The following IL1RAPL1 variants were observed in gnomAD, a reference collection of about 807,000 sequenced individuals.
IL1RAPL1 encodes the protein interleukin-1 receptor accessory protein-like 1.
A neutral mutation model predicts 48.4 loss-of-function variants in IL1RAPL1; 3 were observed. The ratio of observed to expected loss-of-function variants is 0.06; its 90% CI spans 0.03 to 0.16. The LOEUF is 0.16. Ranked by LOEUF, IL1RAPL1 falls within the 10% of genes least tolerant of loss-of-function variation. The probability of loss-of-function intolerance (pLI) is 1.00; values close to 1 mark genes in which losing one functional copy is unlikely to be tolerated. For synonymous variants in IL1RAPL1, 185 were observed against 187.7 expected (o/e 0.99, Z 0.12); for missense variants, 349 against 530.6 (o/e 0.66, Z 3.36).
chrX:29,484,023 A>G (rs950864804), intron 5 of IL1RAPL1, among the ~76,000 whole-genome samples: 1 of 97,954 alleles, frequency 1.0e-5, no homozygotes, highest in African/African-American at 3.6e-5. Context: ...AAAAAAAAAA[A>G]AACTCATTGA....
At chrX:29,501,298 G>A (rs930861127) in intron 5 of IL1RAPL1, among the ~76,000 whole-genome samples, 1 of 110,993 alleles carries the variant, frequency 9.0e-6, no homozygotes, top group East Asian at 2.8e-4. Context: ...CTTTTTAGGC[G>A]GAGGTAATCC....
chrX:29,260,279 G>T (rs1300197760), intron 2 of IL1RAPL1, among the ~76,000 whole-genome samples: 2 of 112,397 alleles, frequency 1.8e-5, no homozygotes, highest in Non-Finnish European at 3.7e-5. Context: ...TTTAGTTGCT[G>T]TATTAGTCTG....
At chrX:28,726,108 T>C (rs893377843) in intron 1 of IL1RAPL1, among the ~76,000 whole-genome samples, 1 of 112,138 alleles carries the variant, frequency 8.9e-6, no homozygotes, top group Admixed American at 9.5e-5. Flanking sequence ...AGGTTTCAGA[T>C]AGGTATCTGG....
intron 1 of IL1RAPL1, among the ~76,000 whole-genome samples, chrX:28,718,245 A>G (rs1011849195): frequency 3.8e-4 from 43 of 111,749 alleles, no homozygotes; most frequent in African/African-American, 1.4e-3. Flanking sequence ...GCATTTAGAA[A>G]AAAACTCTCT....
chrX:29,783,502 T>C (rs781094898), intron 6 of IL1RAPL1, among the ~76,000 whole-genome samples: 4 of 111,477 alleles, frequency 3.6e-5, no homozygotes, highest in African/African-American at 9.8e-5. Flanking sequence ...ACTTTCCGGA[T>C]TGGATGTGGG....
chrX:29,323,837 C>T (rs1439867151), intron 3 of IL1RAPL1, among the ~76,000 whole-genome samples: 8 of 84,862 alleles, frequency 9.4e-5, no homozygotes, highest in South Asian at 1.4e-3. Flanking sequence ...TAGAAACAAA[C>T]GGGTCACTCT....
intron 6 of IL1RAPL1, among the ~76,000 whole-genome samples, chrX:29,710,249 G>A (rs1927302010): frequency 9.0e-6 from 1 of 110,927 alleles, no homozygotes; most frequent in South Asian, 3.8e-4. Flanking sequence ...TGATCTTTGA[G>A]AATAAGCTTT....
intron 5 of IL1RAPL1, among the ~76,000 whole-genome samples, chrX:29,558,135 C>G (rs1922066954): frequency 9.0e-6 from 1 of 111,357 alleles, no homozygotes; most frequent in Non-Finnish European, 1.9e-5. Context: ...AATAGTTGTA[C>G]AAATTTTCAT....
At chrX:29,822,499 T>C (rs1195763169) in intron 6 of IL1RAPL1, among the ~76,000 whole-genome samples, 2 of 111,080 alleles carry the variant, frequency 1.8e-5, no homozygotes, top group Non-Finnish European at 3.8e-5. Context: ...AGGCAGCATT[T>C]AGATATGCTG....
chrX:29,851,222 A>G (rs759803642), intron 6 of IL1RAPL1, among the ~76,000 whole-genome samples: 375 of 111,809 alleles, frequency 3.4e-3, no homozygotes, highest in Non-Finnish European at 6.3e-3. Flanking sequence ...AAAACCACCA[A>G]GGCTCCTGTC....
rs1483718908 is a variant in IL1RAPL1 at position 29,414,347 on chromosome X, TTTATC to T, written c.703+15044_703+15048del. Among the ~76,000 whole-genome samples the T allele has an allele frequency of 5.4e-5, 6 of 112,125 alleles. No individual in the cohort carries two copies. The South Asian group carries it at 1.5e-3, about 27-fold the overall frequency. Reference sequence around the variant, plus strand: ...CTTAAAATTAGTTAAAATGGTAACTTTTATCTTATATATCTTACCACACAAAAAAA... The same window carrying T: ...CTTAAAATTAGTTAAAATGGTAACTTTTATATATCTTACCACACAAAAAAA... On this transcript the variant is annotated intron_variant, in intron 5 of 10. Coordinates refer to ENST00000378993, the MANE Select transcript of IL1RAPL1 (RefSeq NM_014271.4).
intron 5 of IL1RAPL1, among the ~76,000 whole-genome samples, chrX:29,550,370 A>AT (rs1569336554): frequency 9.1e-6 from 1 of 110,038 alleles, no homozygotes; most frequent in African/African-American, 3.3e-5. Context: ...TCTTTTTTGT[A>AT]TTTTTAGTAG....
chrX:29,644,635 C>T (rs1262391087), intron 5 of IL1RAPL1, among the ~76,000 whole-genome samples: 2 of 110,477 alleles, frequency 1.8e-5, no homozygotes, highest in East Asian at 2.8e-4. Flanking sequence ...GGCATGATCT[C>T]GGTTCACTGC....
At chrX:29,888,523 C>G (rs1932213871) in intron 6 of IL1RAPL1, among the ~76,000 whole-genome samples, 1 of 111,059 alleles carries the variant, frequency 9.0e-6, no homozygotes, top group African/African-American at 3.3e-5. Flanking sequence ...CATGTCTGGC[C>G]ACAACTGAAG....
chrX:28,766,784 C>T (rs998563790), intron 1 of IL1RAPL1, among the ~76,000 whole-genome samples: 2 of 111,746 alleles, frequency 1.8e-5, no homozygotes, highest in African/African-American at 3.2e-5. Context: ...TAAGTGAGAA[C>T]ATTCAATGTT....
At chrX:29,566,263 A>G (rs1410783477) in intron 5 of IL1RAPL1, among the ~76,000 whole-genome samples, 1 of 111,989 alleles carries the variant, frequency 8.9e-6, no homozygotes, top group Non-Finnish European at 1.9e-5. Flanking sequence ...TAAAAAAGAT[A>G]GTGAGTAAAT....
intron 2 of IL1RAPL1, among the ~76,000 whole-genome samples, chrX:29,231,464 G>A (rs762566760): frequency 4.5e-5 from 5 of 111,996 alleles, no homozygotes; most frequent in African/African-American, 6.5e-5. Context: ...TTACAACAAA[G>A]CCTTGTGGTG....
At chrX:29,252,399 C>G (rs898223014) in intron 2 of IL1RAPL1, among the ~76,000 whole-genome samples, 1 of 113,822 alleles carries the variant, frequency 8.8e-6, no homozygotes, top group East Asian at 2.7e-4. Context: ...TCCTAGTGGC[C>G]AGGGCATACA....
At chrX:28,588,256 G>A (rs1933871035) in intron 1 of IL1RAPL1, among the ~76,000 whole-genome samples, 1 of 108,597 alleles carries the variant, frequency 9.2e-6, no homozygotes, top group Non-Finnish European at 1.9e-5. Context: ...GTATGTGTGT[G>A]TGCGTGTGTG....
Sources: allele counts gnomAD v4.1 joint callset (sites outside exome capture counted in the v4.1 genomes callset), GRCh38; gene constraint gnomAD v4.1.1; transcripts MANE v1.5; gene names NCBI Gene and HGNC (gene_info 2026-07-23, HGNC 2026-07-21).